The following AKAP13 variants were observed in gnomAD, a reference collection of about 807,000 sequenced individuals.
AKAP13 encodes the protein A-kinase anchor protein 13.
In AKAP13, 80 loss-of-function variants were observed where a neutral mutation model predicts 264.5. That is an observed-to-expected ratio of 0.30 (90% CI 0.25 to 0.36). AKAP13 has a LOEUF of 0.36. Ranked by LOEUF, AKAP13 falls within the 10% of genes least tolerant of loss-of-function variation. AKAP13 has a pLI of 1.00. For synonymous variants in AKAP13, 1,380 were observed against 1,250.2 expected (o/e 1.10, Z -2.19); for missense variants, 3,712 against 3,435.2 (o/e 1.08, Z -2.01).
At chr15:85,677,217 T>C in intron 14 of AKAP13, 3 of 831,024 alleles carry the variant, frequency 3.6e-6, no homozygotes, top group Non-Finnish European at 4.4e-6. Flanking sequence ...CATGCCATCC[T>C]TTGTAAGTCA....
intron 2 of AKAP13, among the ~76,000 whole-genome samples, chr15:85,519,007 C>T (rs1468149146): frequency 6.6e-6 from 1 of 152,074 alleles, no homozygotes; most frequent in Non-Finnish European, 1.5e-5. Flanking sequence ...AGTCTCCCAG[C>T]AAGATGTTGG....
At position 85,673,897 on chromosome 15, in the gene AKAP13, T is replaced by A. The variant is rs139972888; in HGVS notation, c.5101+4067T>A. ...TAGTAGAGATGGGGTTTTACCATGT[T>A]AGCCAGAATGGTCTCGATCTCCTGA... is the stretch of plus-strand genomic sequence containing the variant. On this transcript the variant is annotated intron_variant, in intron 14 of 36. Transcript: ENST00000394518. Among the ~76,000 whole-genome samples the A allele has an allele frequency of 4.6e-3, 695 of 152,046 alleles. 3 individuals are homozygous for A. The highest frequency in any genetic ancestry group is 0.016 in the African/African-American group (643 of 41,478).
intron 5 of AKAP13, among the ~76,000 whole-genome samples, chr15:85,550,225 T>C (rs1418932482): frequency 6.6e-6 from 1 of 152,140 alleles, no homozygotes; most frequent in Non-Finnish European, 1.5e-5. Context: ...ATCTCTGTTT[T>C]ATAATTGAGG....
chr15:85,585,128 G>A (rs890453837), intron 7 of AKAP13, among the ~76,000 whole-genome samples: 2 of 152,182 alleles, frequency 1.3e-5, no homozygotes, highest in African/African-American at 4.8e-5. Flanking sequence ...TCTGTGATTA[G>A]GTTTCAGTTT....
chr15:85,551,284 A>G (rs1180811525), intron 5 of AKAP13, among the ~76,000 whole-genome samples: 1 of 152,234 alleles, frequency 6.6e-6, no homozygotes, highest in Non-Finnish European at 1.5e-5. Flanking sequence ...AGAAAATTGC[A>G]AAATGTACTT....
chr15:85,499,870 T>C (rs548241113), intron 2 of AKAP13, among the ~76,000 whole-genome samples: 9 of 152,288 alleles, frequency 5.9e-5, no homozygotes, highest in African/African-American at 2.2e-4. Flanking sequence ...GTTTATTATG[T>C]TCCTTGAGGG....
rs78480940 is a variant in AKAP13, at chr15:85,533,471, T to G, written c.182-113T>G. 895 of 1,061,302 alleles carry G rather than the reference T, an allele frequency of 8.4e-4. 7 individuals are homozygous for G. The African/African-American group carries it at 0.013, about 16-fold the overall frequency. The allele number at this position is 1,061,302 out of a possible 1,614,324, so 65.7% of individuals were successfully genotyped here. The stretch of plus-strand genomic sequence containing the variant: ...GAGCTCAAGAGGAAGGAGGGGGTGT[T>G]TTTTAGGAGGAGAAATTTGTATGTC... On this transcript the variant is annotated intron_variant, in intron 3 of 36. Coordinates refer to ENST00000394518, the MANE Select transcript of AKAP13 (RefSeq NM_007200.5).
At chr15:85,723,809 C>A (rs747698601) in intron 26 of AKAP13, among the ~76,000 whole-genome samples, 12 of 152,114 alleles carry the variant, frequency 7.9e-5, no homozygotes, top group Non-Finnish European at 1.3e-4. Context: ...TAAGTTTAAC[C>A]CACATCAATT....
intron 3 of AKAP13, among the ~76,000 whole-genome samples, chr15:85,526,688 G>A (rs2077055750): frequency 6.6e-6 from 1 of 152,158 alleles, no homozygotes; most frequent in African/African-American, 2.4e-5. Context: ...CTTCATTAGA[G>A]AATTCTGACA....
intron 1 of AKAP13, among the ~76,000 whole-genome samples, chr15:85,477,998 C>G (rs1345807637): frequency 6.6e-6 from 1 of 152,212 alleles, no homozygotes; most frequent in Non-Finnish European, 1.5e-5. Context: ...CCTGTGTCCA[C>G]TTGGTGGAAC....
intron 15 of AKAP13, among the ~76,000 whole-genome samples, chr15:85,683,122 T>C (rs2084693259): frequency 2.0e-5 from 3 of 152,258 alleles, no homozygotes; most frequent in African/African-American, 7.2e-5. Flanking sequence ...GCATCAGTTA[T>C]GATTCTGATT....
At chr15:85,713,218 T>C (rs1380434198) in intron 19 of AKAP13, among the ~76,000 whole-genome samples, 1 of 152,228 alleles carries the variant, frequency 6.6e-6, no homozygotes, top group Non-Finnish European at 1.5e-5. Context: ...CCCCCTATGC[T>C]GGCTTTTAGA....
chr15:85,508,288 A>T (rs1025930209), intron 2 of AKAP13, among the ~76,000 whole-genome samples: 1 of 151,766 alleles, frequency 6.6e-6, no homozygotes. Context: ...GGATACAGGC[A>T]TGCACTACCG....
Position 85,664,672 on chromosome 15 carries a change from G to C in AKAP13, c.4909G>C (p.Glu1637Gln), listed in dbSNP as rs777029215. The C allele has an allele frequency of 1.9e-6, 3 of 1,614,150 alleles. No homozygotes were observed. The South Asian group carries it at 3.3e-5, about 18-fold the overall frequency. Residue 1637 changes from glutamate (E) to glutamine (Q), a missense_variant, in exon 13 of 37, where the codon GAG becomes CAG. Physicochemically the swap from Glu to Gln is conservative, Grantham distance 29 (BLOSUM62 2). This residue lies in a region of AKAP13 where 2,759 missense variants were observed against 2,411.7 expected (regional missense o/e 1.14). Coordinates refer to ENST00000394518, the MANE Select transcript of AKAP13 (RefSeq NM_007200.5). ...AGAGCTCAGACACCCATTCAGTGGT[G>C]AGGAACGGGTTGACTCTTTGGTGTC... The part of the protein sequence containing the change: ...AEELRHPFSG[E>Q]ERVDSLVSLS...
intron 16 of AKAP13, 98 bp from the exon 17 acceptor site, chr15:85,693,179 C>T: frequency 7.1e-7 from 1 of 1,411,290 alleles, no homozygotes; most frequent in Admixed American, 3.4e-5. Context: ...CCAAAATAGT[C>T]ACCAGCTGTT....
Position 85,741,190 on chromosome 15 carries a change from G to A in AKAP13, c.7753G>A (p.Ala2585Thr). 6.2e-7 allele frequency: 1 copy of A among 1,610,762 alleles called. No homozygotes were observed. The highest frequency in any genetic ancestry group is 2.2e-5 in the East Asian group (1 of 44,734). ...CCTGGAGAAGCAGCGCCAGGACCTGGCCAACCTGCAGAAGCAGCAGGCCCA... is the reference window on the plus strand; with the variant it reads ...CCTGGAGAAGCAGCGCCAGGACCTGACCAACCTGCAGAAGCAGCAGGCCCA... ...RSLEKQRQDL[A>T]NLQKQQAQYL... Residue 2585 changes from alanine (A) to threonine (T), a missense_variant, in exon 35 of 37, where the codon GCC becomes ACC. By Grantham distance (58) the Ala-to-Thr change is moderately conservative. This residue lies in a region of AKAP13 where 611 missense variants were observed against 539.3 expected (regional missense o/e 1.13). Coordinates refer to ENST00000394518, the MANE Select transcript of AKAP13 (RefSeq NM_007200.5).
At chr15:85,398,261 G>A (rs923522914) in intron 1 of AKAP13, among the ~76,000 whole-genome samples, 6 of 152,060 alleles carry the variant, frequency 3.9e-5, no homozygotes, top group African/African-American at 4.8e-5. Flanking sequence ...TCATCAGATC[G>A]TTTTCATGAT....
chr15:85,606,432 C>A (rs2080344761), intron 8 of AKAP13, among the ~76,000 whole-genome samples: 1 of 152,124 alleles, frequency 6.6e-6, no homozygotes, highest in Non-Finnish European at 1.5e-5. Flanking sequence ...GCATAGGTTC[C>A]TTTACCTGAA....
At chr15:85,589,532 G>T (rs990809855) in intron 8 of AKAP13, among the ~76,000 whole-genome samples, 2 of 151,554 alleles carry the variant, frequency 1.3e-5, no homozygotes, top group African/African-American at 4.8e-5. Context: ...GAGGCAGGCG[G>T]ATCACTTGAG....
Sources: gnomAD v4.1 joint callset for allele counts (sites outside exome capture counted in the v4.1 genomes callset) on GRCh38, gnomAD v4.1.1 for gene constraint, gnomAD v4.1.1 regional missense constraint, MANE v1.5 for transcripts, NCBI Gene and HGNC (gene_info 2026-07-23, HGNC 2026-07-21) for gene names.